The following BANP variants were observed in gnomAD, a reference collection of about 807,000 sequenced individuals.
The protein encoded by BANP is protein BANP.
In BANP, 11 loss-of-function variants were observed where a neutral mutation model predicts 68.1. The observed-to-expected ratio is 0.16, with a 90% CI of 0.10 to 0.27. The LOEUF (loss-of-function observed/expected upper bound fraction) is 0.27, where lower values mean the gene tolerates loss of function less well. Ranked by LOEUF, BANP falls within the 10% of genes least tolerant of loss-of-function variation. The pLI, the probability that BANP is intolerant of heterozygous loss-of-function variation, is 1.00. For synonymous variants in BANP, 329 were observed against 303.2 expected (o/e 1.09, Z -0.88); for missense variants, 504 against 722.7 (o/e 0.70, Z 3.47).
rs1296052479 is a variant in BANP, at chr16:88,004,198, C to T, written c.363-97C>T. ...TAGGCCTCCCCCTCAGTGCGGGTCC[C>T]TGGGAGTGGACTGTGTTGAATGACT... On this transcript the variant is annotated intron_variant, in intron 4 of 13. Transcript: ENST00000682872. This position sits in a 1 kb window ranked among gnomAD's most constrained non-coding sequence, Gnocchi z 7.0. The T allele has an allele frequency of 1.3e-6, 1 of 782,100 alleles. No homozygotes were observed. The highest frequency in any genetic ancestry group is 1.7e-5 in the African/African-American group (1 of 58,574). The allele number at this position is 782,100 out of a possible 1,614,324, so 48.4% of individuals were successfully genotyped here.
intron 11 of BANP, among the ~76,000 whole-genome samples, chr16:88,050,604 G>T (rs536040185): frequency 6.6e-6 from 1 of 152,288 alleles, no homozygotes; most frequent in East Asian, 1.9e-4. Context: ...GACCAGGCAC[G>T]AGTGAGCCTG....
chr16:88,035,011 T>A, intron 9 of BANP: 1 of 302,010 alleles, frequency 3.3e-6, no homozygotes, highest in Non-Finnish European at 6.3e-6. Flanking sequence ...TTGTCCAGCA[T>A]GTCCAAGCTG....
chr16:88,064,828 G>T lies in BANP; in HGVS notation c.1312-439G>T, dbSNP rs2088038665. 6.6e-6 allele frequency among the ~76,000 whole-genome samples: 1 copy of T among 152,220 alleles called. No individual in the cohort carries two copies. The highest frequency in any genetic ancestry group is 2.4e-5 in the African/African-American group (1 of 41,472). ...ACAGCCAGGACCCCTCAGCTTCTGAGGGCCGTGGCCTTCAGGCTGTCAGGA... is the reference window on the plus strand; with the variant it reads ...ACAGCCAGGACCCCTCAGCTTCTGATGGCCGTGGCCTTCAGGCTGTCAGGA... On this transcript the variant is annotated intron_variant, in intron 11 of 13. Transcript: ENST00000682872. This position sits in a 1 kb window ranked among gnomAD's most constrained non-coding sequence, Gnocchi z 4.5.
intron 11 of BANP, among the ~76,000 whole-genome samples, chr16:88,056,834 G>A (rs928026589): frequency 6.6e-6 from 1 of 152,210 alleles, no homozygotes; most frequent in African/African-American, 2.4e-5. Context: ...ATCATTGAGT[G>A]AATGAATACA....
In BANP at chr16:88,018,676, G is replaced by C. The variant is rs527924202; in HGVS notation, c.895+9G>C. On this transcript the variant is annotated intron_variant, in intron 7 of 13. Coordinates refer to ENST00000682872, the MANE Select transcript of BANP (RefSeq NM_001386991.1). The surrounding 1 kb of genome is among the most constrained non-coding windows in gnomAD (Gnocchi z 7.7). ...CATCTACGGCATCCGGTGTAAGTCG[G>C]GCCCCGCCTTGGGGGACTGGGGTGT... is the stretch of plus-strand genomic sequence containing the variant. The C allele has an allele frequency of 2.4e-5, 37 of 1,554,734 alleles. No individual in the cohort carries two copies. Among genetic ancestry groups the C allele is most frequent in the Non-Finnish European group, 3.1e-5 (36 of 1,148,760 alleles).
At chr16:88,045,619 G>C (rs1410593886) in intron 11 of BANP, among the ~76,000 whole-genome samples, 3 of 152,200 alleles carry the variant, frequency 2.0e-5, no homozygotes, top group Non-Finnish European at 4.4e-5. Context: ...CGGGCATTCA[G>C]ACCAGCCAGA....
chr16:88,019,775 C>G (rs1320634180), intron 7 of BANP, among the ~76,000 whole-genome samples: 4 of 151,924 alleles, frequency 2.6e-5, no homozygotes, highest in Admixed American at 1.3e-4. Flanking sequence ...CCTTGCTCCT[C>G]TGGGAAGCAC....
chr16:88,039,026 A>G (rs1000902577), intron 11 of BANP, among the ~76,000 whole-genome samples: 7 of 152,210 alleles, frequency 4.6e-5, no homozygotes, highest in South Asian at 2.1e-4. Flanking sequence ...GTGCACTCCC[A>G]GAGCGAGGTG....
At chr16:88,060,798 G>A (rs2086537295) in intron 11 of BANP, among the ~76,000 whole-genome samples, 1 of 152,174 alleles carries the variant, frequency 6.6e-6, no homozygotes, top group Admixed American at 6.5e-5. Flanking sequence ...GTGATGGCAG[G>A]CTTGTGCACG....
intron 6 of BANP, among the ~76,000 whole-genome samples, chr16:88,015,609 A>T (rs2074358125): frequency 6.6e-6 from 1 of 151,614 alleles, no homozygotes; most frequent in Non-Finnish European, 1.5e-5. Flanking sequence ...GCTTGGGGTC[A>T]CCCGTTCTCG....
chr16:88,074,847 T>TG (rs1217584426), intron 13 of BANP, among the ~76,000 whole-genome samples: 4 of 152,190 alleles, frequency 2.6e-5, no homozygotes, highest in African/African-American at 7.2e-5. Flanking sequence ...CATCCTACCC[T>TG]GGAAGGCCCC....
At position 88,049,099 on chromosome 16, in the gene BANP, C is replaced by T. The variant is rs573294311; in HGVS notation, c.1311+11088C>T. On this transcript the variant is annotated intron_variant, in intron 11 of 13. Coordinates refer to ENST00000682872, the MANE Select transcript of BANP (RefSeq NM_001386991.1). Reference sequence around the variant, plus strand: ...AAGCAGTGGACACCAGCTGGGTGTCCTCTAATTCAGTTCTGACACGGAGAC... The same window carrying T: ...AAGCAGTGGACACCAGCTGGGTGTCTTCTAATTCAGTTCTGACACGGAGAC... Among the ~76,000 whole-genome samples, 5 of 152,140 alleles carry T rather than the reference C, an allele frequency of 3.3e-5. No homozygotes were observed. The East Asian group carries it at 7.8e-4, about 24-fold the overall frequency.
chr16:88,065,282 C>T lies in BANP; in HGVS notation c.1327C>T (p.Arg443Cys), dbSNP rs765715551. Residue 443 changes from arginine (R) to cysteine (C), a missense_variant, in exon 12 of 14, where the codon CGC becomes TGC. By Grantham distance (180) the Arg-to-Cys change is radical (BLOSUM62 -3). Transcript: ENST00000682872. ...GQDGQLLEATRIPCLLAPSVF... is the reference protein window; with the variant it reads ...GQDGQLLEATCIPCLLAPSVF... ...CCTTTTCCAGCTTCTAGAGGCCACC[C>T]GCATCCCCTGCCTCCTGGCCCCATC... The T allele has an allele frequency of 1.8e-5, 14 of 766,200 alleles. No individual in the cohort carries two copies. The highest frequency in any genetic ancestry group is 1.6e-4 in the South Asian group (12 of 74,186). The allele number at this position is 766,200 out of a possible 1,614,324, so 47.5% of individuals were successfully genotyped here.
In BANP at chr16:88,018,223, G is replaced by A. The variant is rs959630315; in HGVS notation, c.656-205G>A. 5.3e-5 allele frequency among the ~76,000 whole-genome samples: 8 copies of A among 152,068 alleles called. No homozygotes were observed. The highest frequency in any genetic ancestry group is 1.4e-4 in the African/African-American group (6 of 41,388). On this transcript the variant is annotated intron_variant, in intron 6 of 13. Transcript: ENST00000682872. The surrounding 1 kb of genome is among the most constrained non-coding windows in gnomAD (Gnocchi z 7.7). ...CGTGGCCGCTTCTCGGGGGTGGTGG[G>A]ATCGTGTCTGTTCCGCGTCAGTTCT...
Position 88,035,362 on chromosome 16 carries a change from G to C in BANP, c.1240G>C (p.Gly414Arg). Residue 414 changes from glycine to arginine, a missense_variant, in exon 10 of 14, where the codon GGG becomes CGG. By Grantham distance (125) the Gly-to-Arg change is moderately radical. This residue lies in a region of BANP where 223 missense variants were observed against 246.2 expected (regional missense o/e 0.91). Transcript: ENST00000682872. ...GHLHIAQVPQGEQVQITQDSE... is the reference protein window; with the variant it reads ...GHLHIAQVPQREQVQITQDSE... ...CCTCCACATCGCCCAGGTGCCGCAGGGGGAGCAAGTCCAGATCACGCAGGA... is the reference window on the plus strand; with the variant it reads ...CCTCCACATCGCCCAGGTGCCGCAGCGGGAGCAAGTCCAGATCACGCAGGA... The C allele has an allele frequency of 6.2e-7, 1 of 1,611,664 alleles. No homozygotes were observed. Among genetic ancestry groups the C allele is most frequent in the Non-Finnish European group, 8.5e-7 (1 of 1,179,286 alleles).
chr16:88,051,186 T>C (rs1183774291), intron 11 of BANP, among the ~76,000 whole-genome samples: 1 of 152,120 alleles, frequency 6.6e-6, no homozygotes, highest in East Asian at 1.9e-4. Context: ...GGATGGGGGC[T>C]CCCCAGTGGT....
chr16:88,032,378 T>C (rs1222773103), intron 8 of BANP, among the ~76,000 whole-genome samples: 3 of 151,992 alleles, frequency 2.0e-5, no homozygotes, highest in Non-Finnish European at 4.4e-5. Context: ...ATTTTTGTAT[T>C]TTTAGTAGAG....
intron 1 of BANP, chr16:87,963,338 A>G (rs2059512466): frequency 6.6e-6 from 1 of 152,244 alleles, no homozygotes; most frequent in African/African-American, 2.4e-5. Flanking sequence ...GCCCTGTGCT[A>G]ACTTTTTACA....
At chr16:88,031,673 C>T (rs2078205613) in intron 8 of BANP, among the ~76,000 whole-genome samples, 1 of 150,892 alleles carries the variant, frequency 6.6e-6, no homozygotes, top group Non-Finnish European at 1.5e-5. Context: ...AGAAACCCAA[C>T]ATTTTATTGT....
Sources: gnomAD v4.1 joint callset for allele counts (sites outside exome capture counted in the v4.1 genomes callset) on GRCh38, gnomAD v4.1.1 for gene constraint, gnomAD v4.1.1 regional missense constraint, Gnocchi (gnomAD v3.1) non-coding constraint, MANE v1.5 for transcripts, NCBI Gene and HGNC (gene_info 2026-07-23, HGNC 2026-07-21) for gene names.